Variants in CACNA2D1 observed in about 807,000 individuals in gnomAD.
CACNA2D1 encodes the protein calcium voltage-gated channel auxiliary subunit alpha2delta 1.
A neutral mutation model predicts 171.5 loss-of-function variants in CACNA2D1; 53 were observed. The ratio of observed to expected loss-of-function variants is 0.31; its 90% confidence interval spans 0.25 to 0.39. CACNA2D1 has a LOEUF of 0.39. Among genes scored for constraint, CACNA2D1 ranks in the 10% least tolerant of loss-of-function variants. The pLI is 1.00. For synonymous variants in CACNA2D1, 442 were observed against 443.1 expected (o/e 1.00, Z 0.03); for missense variants, 903 against 1,299.8 (o/e 0.69, Z 4.69).
intron 3 of CACNA2D1, among the ~76,000 whole-genome samples, chr7:82,230,385 C>T (rs1802801997): frequency 6.6e-6 from 1 of 152,120 alleles, no homozygotes; most frequent in South Asian, 2.1e-4. Context: ...ATGAATGCTT[C>T]ACAATTTATA....
chr7:82,413,227 C>T, intron 1 of CACNA2D1, among the ~76,000 whole-genome samples: 1 of 152,154 alleles, frequency 6.6e-6, no homozygotes, highest in East Asian at 1.9e-4. Flanking sequence ...ATTTTTATAT[C>T]TGTGCAAAAG....
chr7:82,286,260 G>T (rs574124447), intron 3 of CACNA2D1, among the ~76,000 whole-genome samples: 5 of 152,140 alleles, frequency 3.3e-5, no homozygotes, highest in African/African-American at 9.6e-5. Context: ...CCCTTTCTCT[G>T]GGAAGTCTGT....
chr7:82,365,794 A>G (rs1382904994), intron 1 of CACNA2D1, among the ~76,000 whole-genome samples: 1 of 152,214 alleles, frequency 6.6e-6, no homozygotes, highest in Non-Finnish European at 1.5e-5. Context: ...CTGAAGTGTT[A>G]TAGGTGGCTA....
intron 3 of CACNA2D1, among the ~76,000 whole-genome samples, chr7:82,271,795 T>G (rs1018598338): frequency 6.6e-6 from 1 of 152,122 alleles, no homozygotes; most frequent in Non-Finnish European, 1.5e-5. Context: ...AATAATCATT[T>G]TCCTCTTTCC....
intron 1 of CACNA2D1, among the ~76,000 whole-genome samples, chr7:82,437,142 G>C (rs928149664): frequency 2.6e-5 from 4 of 152,010 alleles, no homozygotes; most frequent in Admixed American, 6.6e-5. Context: ...GTCTGATCAT[G>C]GGTAACTTAA....
chr7:82,082,980 CATCCA>C (rs1251257599), intron 7 of CACNA2D1, among the ~76,000 whole-genome samples: 1 of 151,752 alleles, frequency 6.6e-6, no homozygotes, highest in Admixed American at 6.6e-5. Context: ...CTTATCTTTC[CATCCA>C]TCTCTTGATC....
chr7:82,316,058 T>A (rs935227153), intron 3 of CACNA2D1, among the ~76,000 whole-genome samples: 1 of 152,022 alleles, frequency 6.6e-6, no homozygotes, highest in Non-Finnish European at 1.5e-5. Context: ...AAATCTAATA[T>A]GTATTTTACT....
At position 81,991,209 on chromosome 7, in the gene CACNA2D1, G is replaced by T; in HGVS notation, c.1772C>A (p.Thr591Lys). The change falls in exon 21 of 39, where the codon ACA becomes AAA. Residue 591 changes from threonine (T) to lysine (K), a missense_variant. Transcript: ENST00000356860. Reference protein sequence around the residue: ...IDKGNRTYTWTPVNGTDYSLA... With the variant: ...IDKGNRTYTWKPVNGTDYSLA... The stretch of plus-strand genomic sequence containing the variant: ...CCTGTAATCTGTGCCATTGACAGGT[G>T]TCCATGTGTATGTCCTGTTTCCTTT... 2 of 1,533,492 alleles carry T rather than the reference G, an allele frequency of 1.3e-6. No homozygotes were observed. Among genetic ancestry groups the T allele is most frequent in the East Asian group, 2.3e-5 (1 of 44,342 alleles). The allele number at this position is 1,533,492 out of a possible 1,614,324, so 95.0% of individuals were successfully genotyped here. A position where few individuals can be genotyped will look rare whatever the true frequency, so the allele number is the denominator to read the frequency against.
intron 1 of CACNA2D1, among the ~76,000 whole-genome samples, chr7:82,372,466 A>G (rs1822518199): frequency 1.3e-5 from 2 of 152,184 alleles, no homozygotes; most frequent in African/African-American, 4.8e-5. Context: ...GGAAATAAGT[A>G]TGAGATTCCT....
At chr7:82,154,635 T>C (rs1291650623) in intron 4 of CACNA2D1, among the ~76,000 whole-genome samples, 1 of 152,134 alleles carries the variant, frequency 6.6e-6, no homozygotes, top group Admixed American at 6.6e-5. Context: ...AAATACATGC[T>C]CACGTAAATA....
chr7:82,419,159 C>A (rs897626948), intron 1 of CACNA2D1, among the ~76,000 whole-genome samples: 3 of 151,560 alleles, frequency 2.0e-5, no homozygotes, highest in Non-Finnish European at 2.9e-5. Flanking sequence ...TAAAGCGTCA[C>A]ACTGTCATGA....
rs141825680 is a variant in CACNA2D1, at chr7:82,094,648, A to G, written c.527-9748T>C. Among the ~76,000 whole-genome samples, 540 of 148,582 alleles carry G rather than the reference A, an allele frequency of 3.6e-3. 3 individuals carry two copies. Among genetic ancestry groups the G allele is most frequent in the African/African-American group, 0.013 (509 of 39,840 alleles). On this transcript the variant is annotated intron_variant, in intron 6 of 38. Transcript: ENST00000356860. The stretch of plus-strand genomic sequence containing the variant: ...TCTTCCAATAAATCATGTATTTTTA[A>G]TTTTCATTCACAACTCAATATCCCA...
intron 7 of CACNA2D1, among the ~76,000 whole-genome samples, chr7:82,082,475 A>C: frequency 6.6e-6 from 1 of 151,970 alleles, no homozygotes; most frequent in Non-Finnish European, 1.5e-5. Context: ...ATTGGTTTGT[A>C]AGTATGCAAA....
chr7:82,369,857 G>C (rs1277231797), intron 1 of CACNA2D1, among the ~76,000 whole-genome samples: 1 of 151,950 alleles, frequency 6.6e-6, no homozygotes, highest in Non-Finnish European at 1.5e-5. Flanking sequence ...ACCATTCAGA[G>C]CAATGCCTGG....
intron 10 of CACNA2D1, among the ~76,000 whole-genome samples, chr7:82,057,512 A>T (rs1295285660): frequency 6.6e-6 from 1 of 152,000 alleles, no homozygotes; most frequent in East Asian, 1.9e-4. Context: ...ACTAAACCTA[A>T]ATCTATAGCT....
At chr7:82,415,893 A>T (rs2129456117) in intron 1 of CACNA2D1, among the ~76,000 whole-genome samples, 1 of 152,224 alleles carries the variant, frequency 6.6e-6, no homozygotes. Flanking sequence ...GAAAGATTGA[A>T]TACTAAATAA....
chr7:82,312,475 G>T (rs1814588073), intron 3 of CACNA2D1, among the ~76,000 whole-genome samples: 1 of 149,730 alleles, frequency 6.7e-6, no homozygotes, highest in South Asian at 2.1e-4. Flanking sequence ...CAGTCTTCAT[G>T]ACTATTGAAG....
chr7:82,078,084 G>A (rs1050037801), intron 7 of CACNA2D1, among the ~76,000 whole-genome samples: 6 of 151,996 alleles, frequency 3.9e-5, no homozygotes, highest in Non-Finnish European at 7.4e-5. Flanking sequence ...AATCCTAGCA[G>A]AAATAGCAAC....
chr7:82,397,282 T>C (rs1825841271), intron 1 of CACNA2D1, among the ~76,000 whole-genome samples: 1 of 152,186 alleles, frequency 6.6e-6, no homozygotes, highest in South Asian at 2.1e-4. Flanking sequence ...ATCATTGTAT[T>C]TGTACTTAAA....
Sources: gnomAD v4.1 joint callset for allele counts (sites outside exome capture counted in the v4.1 genomes callset) on GRCh38, gnomAD v4.1.1 for gene constraint, MANE v1.5 for transcripts, NCBI Gene and HGNC (gene_info 2026-07-23, HGNC 2026-07-21) for gene names.